Variants in ADGRV1 observed in about 807,000 individuals in gnomAD.
ADGRV1 encodes G-protein coupled receptor 98.
A neutral mutation model predicts 596.2 loss-of-function variants in ADGRV1; 359 were observed. That is an observed-to-expected ratio of 0.60 (90% CI 0.55 to 0.66). ADGRV1 has a LOEUF of 0.66. Ranked by LOEUF, ADGRV1 falls within the 30% of genes least tolerant of loss-of-function variation. The pLI is 0.00. For missense variants in ADGRV1, 7,274 were observed against 7,575.6 expected (o/e 0.96, Z 1.48); for synonymous variants, 2,681 against 2,679.2 (o/e 1.00, Z -0.02).
rs768306107 is a variant in ADGRV1 at position 90,783,175 on chromosome 5, C to T, written c.13283C>T (p.Thr4428Ile). ...IMIPVVRLHG[T>I]YGYVTADFIS... Reference sequence around the variant, plus strand: ...ATCCCAGTGGTGAGGCTACATGGAACTTATGGCTATGTGACAGCTGATTTC... The same window carrying T: ...ATCCCAGTGGTGAGGCTACATGGAATTTATGGCTATGTGACAGCTGATTTC... Residue 4428 changes from threonine (T) to isoleucine (I), a missense_variant, in exon 66 of 90, where the codon ACT (threonine) becomes ATT (isoleucine). Around this residue, in one of 5 missense-constraint regions of ADGRV1, gnomAD observed 3,643 missense variants for 3,809.2 expected, o/e 0.96. Transcript: ENST00000405460. 2 of 1,613,646 alleles carry T rather than the reference C, an allele frequency of 1.2e-6. No individual in the cohort carries two copies. Among genetic ancestry groups the T allele is most frequent in the South Asian group, 2.2e-5 (2 of 91,070 alleles).
chr5:91,048,239 G>C (rs1786001534), intron 85 of ADGRV1, among the ~76,000 whole-genome samples: 1 of 152,226 alleles, frequency 6.6e-6, no homozygotes, highest in Admixed American at 6.5e-5. Flanking sequence ...ACAATCTCTA[G>C]CAACTCAGTA....
intron 2 of ADGRV1, 63 bp downstream of exon 2, chr5:90,615,082 CA>C (rs1312774660): frequency 9.4e-7 from 1 of 1,059,716 alleles, no homozygotes; most frequent in East Asian, 2.8e-5. Flanking sequence ...GTTTTAATGG[CA>C]AGGATTTTTT....
rs1247017038 is a variant in ADGRV1 at position 91,153,328 on chromosome 5, T to C, written c.18732T>C (p.Tyr6244=). 8.7e-6 allele frequency: 14 copies of C among 1,612,620 alleles called. No individual in the cohort carries two copies. Among genetic ancestry groups the C allele is most frequent in the Admixed American group, 3.3e-5 (2 of 59,808 alleles). ...NGATFPSSGG[Y]GQGSLIADEE... ...CCACGTTCCCGTCCTCTGGAGGATA[T>C]GGCCAGGGGTCACTGATAGCCGATG... The change falls in exon 89 of 90, where the codon TAT becomes TAC. Residue 6244 remains tyrosine (Y), a synonymous_variant. Coordinates refer to ENST00000405460, the MANE Select transcript of ADGRV1 (RefSeq NM_032119.4).
At chr5:90,710,629 G>A (rs1360740552) in intron 39 of ADGRV1, among the ~76,000 whole-genome samples, 1 of 150,600 alleles carries the variant, frequency 6.6e-6, no homozygotes, top group Non-Finnish European at 1.5e-5. Flanking sequence ...CCTTCCAACT[G>A]TCCCCATTTT....
chr5:91,155,875 A>C (rs1012249770), intron 89 of ADGRV1, among the ~76,000 whole-genome samples: 3 of 152,208 alleles, frequency 2.0e-5, no homozygotes, highest in Non-Finnish European at 2.9e-5. Flanking sequence ...AAAGGCTGGG[A>C]GGTTATTACA....
Position 90,690,060 on chromosome 5 carries a change from C to A in ADGRV1, c.6690C>A (p.Asp2230Glu). ...EAVIIIEASD[D>E]PYGLFGFQIT... is the part of the protein sequence containing the mutation. ...TCATTATTATTGAGGCCTCTGATGACCCCTATGGATTATTTGGTATGAAGA... is the reference window on the plus strand; with the variant it reads ...TCATTATTATTGAGGCCTCTGATGAACCCTATGGATTATTTGGTATGAAGA... Residue 2230 changes from aspartate (D) to glutamate (E), a missense_variant, in exon 30 of 90, where the codon GAC becomes GAA. Asp to Glu is a conservative substitution (Grantham distance 45, BLOSUM62 2). Coordinates refer to ENST00000405460, the MANE Select transcript of ADGRV1 (RefSeq NM_032119.4). 1.3e-6 allele frequency: 2 copies of A among 1,562,704 alleles called. No homozygotes were observed. The highest frequency in any genetic ancestry group is 1.7e-6 in the Non-Finnish European group (2 of 1,147,354).
intron 85 of ADGRV1, among the ~76,000 whole-genome samples, chr5:91,067,308 T>G (rs1787969680): frequency 6.6e-6 from 1 of 152,082 alleles, no homozygotes; most frequent in Non-Finnish European, 1.5e-5. Context: ...CACACCCAGC[T>G]AATTTTGTAT....
At chr5:90,908,878 C>T (rs1772571251) in intron 83 of ADGRV1, among the ~76,000 whole-genome samples, 1 of 152,068 alleles carries the variant, frequency 6.6e-6, no homozygotes, top group Non-Finnish European at 1.5e-5. Flanking sequence ...TTAAAATGCT[C>T]AGAGGAATAA....
At chr5:90,821,771 G>A (rs1009206804) in intron 75 of ADGRV1, among the ~76,000 whole-genome samples, 23 of 151,968 alleles carry the variant, frequency 1.5e-4, no homozygotes, top group Admixed American at 1.4e-3. Flanking sequence ...CAGTCTGCCC[G>A]TTCTCAGATC....
In ADGRV1 at chr5:90,790,747, C is replaced by T. The variant is rs1271582787; in HGVS notation, c.14044-126C>T. The T allele has an allele frequency of 6.3e-6, 4 of 635,230 alleles. No individual in the cohort carries two copies. The East Asian group carries it at 1.1e-4, about 18-fold the overall frequency. The allele number at this position is 635,230 out of a possible 1,614,324, so 39.3% of individuals were successfully genotyped here. On this transcript the variant is annotated intron_variant, in intron 69 of 89. Transcript: ENST00000405460. ...GCTAACATATACTTAGAGAGTTTGG[C>T]TTTGAATATAGTGATGCACAATTAT...
chr5:90,603,062 T>C (rs367711437), intron 1 of ADGRV1, among the ~76,000 whole-genome samples: 63 of 152,338 alleles, frequency 4.1e-4, no homozygotes, highest in African/African-American at 1.4e-3. Flanking sequence ...TGAAAAGTAC[T>C]GTTCTCCTTC....
At chr5:90,894,147 G>A (rs1292888948) in intron 83 of ADGRV1, among the ~76,000 whole-genome samples, 1 of 152,130 alleles carries the variant, frequency 6.6e-6, no homozygotes. Flanking sequence ...ATTGAACACA[G>A]CATCAAAAAA....
chr5:90,694,006 G>C lies in ADGRV1; in HGVS notation c.7250G>C (p.Gly2417Ala). The change falls in exon 33 of 90, where the codon GGG becomes GCG. Residue 2417 changes from glycine to alanine, a missense_variant. Physicochemically the swap from Gly to Ala is moderately conservative, Grantham distance 60. Transcript: ENST00000405460. ...TCCTACTATGAATCTCCAATTCAAGGGGTGCCTGACCCACTTTGGAGAACT... is the reference window on the plus strand; with the variant it reads ...TCCTACTATGAATCTCCAATTCAAGCGGTGCCTGACCCACTTTGGAGAACT... ...LLSYYESPIQGVPDPLWRTWM... is the reference protein window; with the variant it reads ...LLSYYESPIQAVPDPLWRTWM... 4 of 1,613,632 alleles carry C rather than the reference G, an allele frequency of 2.5e-6. No individual in the cohort carries two copies. The highest frequency in any genetic ancestry group is 3.4e-6 in the Non-Finnish European group (4 of 1,179,774).
At position 90,629,113 on chromosome 5, in the gene ADGRV1, TAATA is replaced by T. The variant is rs778647055; in HGVS notation, c.1510-92_1510-89del. ...GTCATCATTTTTAGACATAAAATAT[TAATA>T]AATATTAAAATTAGAATAACATGGA... is the stretch of plus-strand genomic sequence containing the variant. On this transcript the variant is annotated intron_variant, in intron 8 of 89. Transcript: ENST00000405460. 1.0e-4 allele frequency: 70 copies of T among 667,140 alleles called. No individual in the cohort carries two copies. The South Asian group carries it at 3.0e-3, about 28-fold the overall frequency. 41.3% of individuals were successfully genotyped at this position (667,140 alleles called of 1,614,324 possible).
At position 90,653,271 on chromosome 5, in the gene ADGRV1, C is replaced by A. The variant is rs1355159399; in HGVS notation, c.3697C>A (p.Pro1233Thr). 6.2e-7 allele frequency: 1 copy of A among 1,613,860 alleles called. No individual in the cohort carries two copies. Among genetic ancestry groups the A allele is most frequent in the Non-Finnish European group, 8.5e-7 (1 of 1,179,832 alleles). ...ETNLQVTVMV[P>T]FNDDPFGVFI... ...CAACCTCCAGGTGACAGTAATGGTT[C>A]CATTCAATGATGATCCCTTTGGAGT... The change falls in exon 20 of 90, where the codon CCA becomes ACA. Residue 1233 changes from proline (P) to threonine (T), a missense_variant. Physicochemically the swap from Pro to Thr is conservative, Grantham distance 38. Transcript: ENST00000405460.
At chr5:90,881,644 C>G (rs1769787344) in intron 83 of ADGRV1, among the ~76,000 whole-genome samples, 1 of 151,572 alleles carries the variant, frequency 6.6e-6, no homozygotes, top group African/African-American at 2.4e-5. Flanking sequence ...CCAGCTGTCT[C>G]AGCAGTATTA....
chr5:91,070,395 G>C (rs536488583), intron 85 of ADGRV1, among the ~76,000 whole-genome samples: 1 of 152,256 alleles, frequency 6.6e-6, no homozygotes, highest in East Asian at 1.9e-4. Context: ...TCAAAGTCTA[G>C]TGTTTATGGC....
chr5:90,742,191 C>G (rs1452734768), intron 50 of ADGRV1, among the ~76,000 whole-genome samples: 1 of 152,158 alleles, frequency 6.6e-6, no homozygotes, highest in Non-Finnish European at 1.5e-5. Flanking sequence ...TATGTATAAT[C>G]ATACATATAA....
intron 1 of ADGRV1, among the ~76,000 whole-genome samples, chr5:90,566,876 A>G (rs188005192): frequency 9.8e-4 from 149 of 152,228 alleles, no homozygotes; most frequent in Non-Finnish European, 8.8e-5. Context: ...GAGAGCTGAG[A>G]TCCTTGTCTT....
Sources: allele counts gnomAD v4.1 joint callset (sites outside exome capture counted in the v4.1 genomes callset), GRCh38; gene constraint gnomAD v4.1.1; regional missense constraint gnomAD v4.1.1; transcripts MANE v1.5; gene names NCBI Gene and HGNC (gene_info 2026-07-23, HGNC 2026-07-21).